The following EYA2 variants were observed in gnomAD, a reference collection of about 807,000 sequenced individuals.
EYA2 encodes the protein protein phosphatase EYA2.
In EYA2, 31 loss-of-function variants were observed where a neutral mutation model predicts 69.2. The ratio of observed to expected loss-of-function variants is 0.45; its 90% CI spans 0.34 to 0.60. EYA2 has a LOEUF of 0.60. Ranked by LOEUF, EYA2 falls within the 20% of genes least tolerant of loss-of-function variation. The pLI is 0.02. For synonymous variants in EYA2, 257 were observed against 279.4 expected (o/e 0.92, Z 0.80); for missense variants, 622 against 701.2 (o/e 0.89, Z 1.28).
intron 1 of EYA2, among the ~76,000 whole-genome samples, chr20:46,938,453 A>T (rs938852508): frequency 6.6e-6 from 1 of 152,202 alleles, no homozygotes; most frequent in East Asian, 1.9e-4. Flanking sequence ...GGAGCAGCTG[A>T]GCTGGTCCTC....
In EYA2 at chr20:47,129,060, G is replaced by A. The variant is rs558200097; in HGVS notation, c.889-13999G>A. Among the ~76,000 whole-genome samples the A allele has an allele frequency of 2.0e-5, 3 of 152,250 alleles. No individual in the cohort carries two copies. The East Asian group carries it at 5.8e-4, about 30-fold the overall frequency. On this transcript the variant is annotated intron_variant, in intron 9 of 15. Transcript: ENST00000327619. ...AATCACCTGAACCCAGGAGGCGGAGGTTGCAGTGAGCCAAGATCATGCCAC... is the reference window on the plus strand; with the variant it reads ...AATCACCTGAACCCAGGAGGCGGAGATTGCAGTGAGCCAAGATCATGCCAC...
intron 11 of EYA2, among the ~76,000 whole-genome samples, chr20:47,169,554 C>T (rs2034277438): frequency 6.6e-6 from 1 of 152,152 alleles, no homozygotes; most frequent in African/African-American, 2.4e-5. Flanking sequence ...CAGTCTCTTG[C>T]TCATCACCTC....
At chr20:46,993,254 A>G (rs966763421) in intron 2 of EYA2, among the ~76,000 whole-genome samples, 2 of 152,222 alleles carry the variant, frequency 1.3e-5, no homozygotes, top group Non-Finnish European at 2.9e-5. Context: ...CTTAAAAAGT[A>G]TAGAACAAGA....
chr20:46,986,761 GT>G (rs1158851134), intron 1 of EYA2, among the ~76,000 whole-genome samples: 1 of 152,022 alleles, frequency 6.6e-6, no homozygotes, highest in Non-Finnish European at 1.5e-5. Context: ...TAAACAACTA[GT>G]TCTTCTGTGA....
chr20:46,996,682 G>T (rs747362100), intron 2 of EYA2, among the ~76,000 whole-genome samples: 2 of 152,104 alleles, frequency 1.3e-5, no homozygotes, highest in East Asian at 1.9e-4. Context: ...GTATTAGTCC[G>T]TTCTCGCACT....
chr20:47,151,895 C>T (rs569461899), intron 10 of EYA2, among the ~76,000 whole-genome samples: 3 of 152,080 alleles, frequency 2.0e-5, no homozygotes, highest in East Asian at 2.0e-4. Flanking sequence ...TGTTTCTTGA[C>T]GGTTGATGAT....
intron 8 of EYA2, among the ~76,000 whole-genome samples, chr20:47,093,515 G>A (rs146095361): frequency 7.0e-4 from 106 of 152,372 alleles, no homozygotes; most frequent in Non-Finnish European, 1.4e-3. Flanking sequence ...AGCTGCAGCC[G>A]CGCAGCCGGC....
chr20:47,008,139 C>T (rs1249467115), intron 4 of EYA2, among the ~76,000 whole-genome samples: 1 of 152,204 alleles, frequency 6.6e-6, no homozygotes. Flanking sequence ...GGCATCAGTC[C>T]AGGCTTAGTA....
intron 4 of EYA2, among the ~76,000 whole-genome samples, chr20:47,009,508 C>A (rs1208990826): frequency 6.6e-6 from 1 of 152,144 alleles, no homozygotes; most frequent in African/African-American, 2.4e-5. Context: ...TACTATGACA[C>A]CTATGAACTG....
At chr20:46,942,522 TC>T (rs1404104110) in intron 1 of EYA2, among the ~76,000 whole-genome samples, 1 of 152,160 alleles carries the variant, frequency 6.6e-6, no homozygotes, top group African/African-American at 2.4e-5. Context: ...GTGGGTGCCA[TC>T]CTAAAAGGGA....
chr20:47,088,738 C>T (rs901945792), intron 7 of EYA2, among the ~76,000 whole-genome samples: 4 of 152,182 alleles, frequency 2.6e-5, no homozygotes, highest in African/African-American at 9.7e-5. Context: ...AGGCATGCAC[C>T]ACCACACGAG....
chr20:47,014,863 A>G (rs532615042), intron 4 of EYA2, among the ~76,000 whole-genome samples: 18 of 152,296 alleles, frequency 1.2e-4, no homozygotes, highest in African/African-American at 4.3e-4. Flanking sequence ...GTTAATGAAT[A>G]GGAAACTGGT....
At chr20:47,051,499 A>T (rs1305644435) in intron 5 of EYA2, among the ~76,000 whole-genome samples, 2 of 152,354 alleles carry the variant, frequency 1.3e-5, no homozygotes, top group East Asian at 3.9e-4. Context: ...TTCTAATCCC[A>T]GTTTTGCTCA....
intron 5 of EYA2, among the ~76,000 whole-genome samples, chr20:47,061,952 G>A (rs1600679596): frequency 1.3e-5 from 2 of 152,166 alleles, no homozygotes; most frequent in African/African-American, 4.8e-5. Context: ...AACCTCAAGA[G>A]CCAGGATAAC....
At chr20:47,045,913 T>C (rs1244011815) in intron 5 of EYA2, among the ~76,000 whole-genome samples, 1 of 152,256 alleles carries the variant, frequency 6.6e-6, no homozygotes, top group Non-Finnish European at 1.5e-5. Flanking sequence ...CTCATCTTGC[T>C]GTTCCACAAG....
intron 1 of EYA2, among the ~76,000 whole-genome samples, chr20:46,968,850 G>A (rs535092952): frequency 6.6e-5 from 10 of 152,106 alleles, no homozygotes; most frequent in African/African-American, 1.7e-4. Context: ...CACCTGGGTC[G>A]CTCTGTGTCC....
intron 5 of EYA2, among the ~76,000 whole-genome samples, chr20:47,035,834 C>A (rs1206988548): frequency 6.6e-6 from 1 of 151,588 alleles, no homozygotes; most frequent in African/African-American, 2.4e-5. Context: ...ATGGCAAAAC[C>A]CCGTCTCTGA....
At chr20:47,118,056 T>C (rs1419577267) in intron 9 of EYA2, among the ~76,000 whole-genome samples, 1 of 152,234 alleles carries the variant, frequency 6.6e-6, no homozygotes, top group Non-Finnish European at 1.5e-5. Flanking sequence ...GAGGAAGCCC[T>C]GCCCAAGGAA....
chr20:47,090,937 C>T (rs375824030), intron 8 of EYA2, among the ~76,000 whole-genome samples: 23 of 151,970 alleles, frequency 1.5e-4, no homozygotes, highest in Admixed American at 2.6e-4. Context: ...GCAAACTCAC[C>T]GGTTTATACT....
Sources: allele counts gnomAD v4.1 joint callset (sites outside exome capture counted in the v4.1 genomes callset), GRCh38; gene constraint gnomAD v4.1.1; transcripts MANE v1.5; gene names NCBI Gene and HGNC (gene_info 2026-07-23, HGNC 2026-07-21).